GALNT13: variants seen among roughly 807,000 people sequenced by gnomAD.
GALNT13 encodes the protein polypeptide N-acetylgalactosaminyltransferase 13, also known as UDP-GalNAc:polypeptide N-acetylgalactosaminyltransferase 13.
Under a neutral mutation model 64.2 loss-of-function variants are expected in GALNT13, and 28 were observed. The ratio of observed to expected loss-of-function variants is 0.44; its 90% confidence interval spans 0.32 to 0.60. GALNT13 has a LOEUF of 0.60. GALNT13 is among the 20% of genes least tolerant of loss of function. GALNT13 has a pLI of 0.05. For missense variants in GALNT13, 577 were observed against 669.8 expected (o/e 0.86, Z 1.53); for synonymous variants, 214 against 224.6 (o/e 0.95, Z 0.42).
At chr2:153,911,962 A>G (rs979624692) in intron 2 of GALNT13, among the ~76,000 whole-genome samples, 1 of 152,126 alleles carries the variant, frequency 6.6e-6, no homozygotes, top group Admixed American at 6.5e-5. Context: ...TTGGCTAGAT[A>G]GGGGAAATTC....
At chr2:154,125,009 C>T (rs996463909) in intron 3 of GALNT13, among the ~76,000 whole-genome samples, 2 of 152,074 alleles carry the variant, frequency 1.3e-5, no homozygotes, top group African/African-American at 4.8e-5. Flanking sequence ...TAGAATGTCA[C>T]TTAGTAACTG....
At chr2:153,814,448 A>AGT in the GALNT13 span, among the ~76,000 whole-genome samples, 735 of 70,634 alleles carry the variant, frequency 0.01, 2 homozygotes, top group South Asian at 0.026. Context: ...TCAATAAATA[A>AGT]ATAAGTAAGT....
chr2:154,118,969 G>A (rs992659166), intron 3 of GALNT13, among the ~76,000 whole-genome samples: 1 of 152,044 alleles, frequency 6.6e-6, no homozygotes, highest in African/African-American at 2.4e-5. Context: ...GAATAAAATT[G>A]CATTACACAC....
At chr2:154,107,418 C>T (rs1480475742) in intron 3 of GALNT13, among the ~76,000 whole-genome samples, 7 of 151,850 alleles carry the variant, frequency 4.6e-5, no homozygotes, top group African/African-American at 1.7e-4. Flanking sequence ...GGTGAAACCT[C>T]GTCTCTATTA....
intron 8 of GALNT13, among the ~76,000 whole-genome samples, chr2:154,274,053 G>A (rs778493652): frequency 6.6e-6 from 1 of 151,902 alleles, no homozygotes; most frequent in East Asian, 1.9e-4. Context: ...TCACCTCTAA[G>A]TATCAGCCAA....
At chr2:154,217,788 T>C (rs752218151) in intron 4 of GALNT13, among the ~76,000 whole-genome samples, 2 of 152,106 alleles carry the variant, frequency 1.3e-5, no homozygotes, top group Non-Finnish European at 2.9e-5. Context: ...AAGTGGGAAG[T>C]AAAATGAAAA....
At chr2:154,365,025 T>C (rs1002569694) in intron 9 of GALNT13, among the ~76,000 whole-genome samples, 5 of 152,234 alleles carry the variant, frequency 3.3e-5, no homozygotes, top group African/African-American at 1.2e-4. Flanking sequence ...TGCAAAAATA[T>C]AACTGCCAGT....
At chr2:154,181,446 T>G (rs1335498287) in intron 4 of GALNT13, among the ~76,000 whole-genome samples, 1 of 152,150 alleles carries the variant, frequency 6.6e-6, no homozygotes, top group South Asian at 2.1e-4. Context: ...TGGCAGGTAA[T>G]TGGTAAAATA....
chr2:154,139,134 C>T (rs564365184), intron 3 of GALNT13, among the ~76,000 whole-genome samples: 1 of 152,138 alleles, frequency 6.6e-6, no homozygotes, highest in Admixed American at 6.6e-5. Context: ...TGGTTTGACT[C>T]ATGCCATTAC....
At chr2:153,976,137 A>G (rs1258491498) in intron 3 of GALNT13, among the ~76,000 whole-genome samples, 2 of 151,992 alleles carry the variant, frequency 1.3e-5, no homozygotes, top group Non-Finnish European at 2.9e-5. Context: ...TGTATGTGTT[A>G]TTGTGTTTAC....
chr2:153,652,825 T>C, the GALNT13 span, among the ~76,000 whole-genome samples: 2 of 152,198 alleles, frequency 1.3e-5, no homozygotes, highest in South Asian at 2.1e-4. Flanking sequence ...ACAGCTATAT[T>C]CAGATTAATA....
chr2:153,124,194 T>C, the GALNT13 span, among the ~76,000 whole-genome samples: 12 of 152,162 alleles, frequency 7.9e-5, no homozygotes, highest in African/African-American at 2.9e-4. Flanking sequence ...TGTAATGTGT[T>C]AAGTTTAGAA....
the GALNT13 span, among the ~76,000 whole-genome samples, chr2:153,737,438 A>T: frequency 6.7e-6 from 1 of 149,742 alleles, no homozygotes; most frequent in African/African-American, 2.5e-5. Context: ...CAATTTTTGG[A>T]CATTCCTTAT....
chr2:153,792,679 T>C, the GALNT13 span, among the ~76,000 whole-genome samples: 1 of 152,230 alleles, frequency 6.6e-6, no homozygotes, highest in Non-Finnish European at 1.5e-5. Context: ...TATACTCTAA[T>C]TGGTATAATC....
chr2:153,281,829 T>C, the GALNT13 span, among the ~76,000 whole-genome samples: 2 of 151,962 alleles, frequency 1.3e-5, no homozygotes, highest in African/African-American at 4.8e-5. Context: ...AAGGCTTTTT[T>C]TTTTTTTCAG....
chr2:154,143,995 G>T (rs1683421710), intron 4 of GALNT13, among the ~76,000 whole-genome samples: 1 of 150,976 alleles, frequency 6.6e-6, no homozygotes, highest in Non-Finnish European at 1.5e-5. Flanking sequence ...CATTTTAAAT[G>T]AATAATTCAA....
chr2:154,041,769 A>G lies in GALNT13; in HGVS notation c.142+97130A>G, dbSNP rs758563217. On this transcript the variant is annotated intron_variant, in intron 3 of 12. Transcript: ENST00000392825. ...ATCTCTAATGTCTTTCAAAATTACC[A>G]TGATGTTGAAGACAATGTTTATAGT... 5.7e-5 allele frequency among the ~76,000 whole-genome samples: 8 copies of G among 140,628 alleles called. 1 individual carries two copies. Among genetic ancestry groups the G allele is most frequent in the Non-Finnish European group, 1.1e-4 (7 of 61,210 alleles). 92.3% of individuals were successfully genotyped at this position (140,628 alleles called of 152,430 possible). A position where few individuals can be genotyped will look rare whatever the true frequency, so the allele number is the denominator to read the frequency against.
At chr2:154,339,930 C>A (rs947135453) in intron 9 of GALNT13, among the ~76,000 whole-genome samples, 1 of 152,008 alleles carries the variant, frequency 6.6e-6, no homozygotes, top group Admixed American at 6.6e-5. Context: ...AGTTGCAATG[C>A]ATGTTTTGTA....
intron 3 of GALNT13, among the ~76,000 whole-genome samples, chr2:154,072,247 T>C (rs568599765): frequency 6.6e-6 from 1 of 152,270 alleles, no homozygotes; most frequent in East Asian, 1.9e-4. Flanking sequence ...AAAGATGCTA[T>C]GCTAAATCCT....
Sources: allele counts gnomAD v4.1 joint callset (sites outside exome capture counted in the v4.1 genomes callset), GRCh38; gene constraint gnomAD v4.1.1; transcripts MANE v1.5; gene names NCBI Gene and HGNC (gene_info 2026-07-23, HGNC 2026-07-21).